Variants in IFI27L1 observed in about 807,000 individuals in gnomAD.
The protein encoded by IFI27L1 is interferon alpha-inducible protein 27-like protein 1.
In IFI27L1, 3 loss-of-function variants were observed where a neutral mutation model predicts 9.2. The ratio of observed to expected loss-of-function variants is 0.32; its 90% CI spans 0.15 to 0.84. IFI27L1 has a LOEUF of 0.84. Among genes scored for constraint, IFI27L1 ranks in the 40% least tolerant of loss-of-function variants. The pLI is 0.56. For synonymous variants in IFI27L1, 53 were observed against 50.0 expected (o/e 1.06, Z -0.26); for missense variants, 133 against 134.2 (o/e 0.99, Z 0.05).
At chr14:94,088,792 G>A (rs946437856) in intron 1 of IFI27L1, among the ~76,000 whole-genome samples, 2 of 152,140 alleles carry the variant, frequency 1.3e-5, no homozygotes, top group Admixed American at 6.5e-5. Context: ...GCGTAATTCT[G>A]TCTTGGGGAG....
intron 1 of IFI27L1, among the ~76,000 whole-genome samples, chr14:94,086,090 A>C (rs1350228841): frequency 6.6e-6 from 1 of 152,200 alleles, no homozygotes; most frequent in African/African-American, 2.4e-5. Context: ...TCATGGGGGC[A>C]GATGCCTCAT....
chr14:94,098,419 A>G (rs1218625332), intron 2 of IFI27L1, among the ~76,000 whole-genome samples: 1 of 152,122 alleles, frequency 6.6e-6, no homozygotes, highest in African/African-American at 2.4e-5. Flanking sequence ...TTCCCTTACA[A>G]GGACCTCAGT....
At chr14:94,097,955 T>A (rs573355383) in intron 2 of IFI27L1, among the ~76,000 whole-genome samples, 1 of 152,322 alleles carries the variant, frequency 6.6e-6, no homozygotes, top group South Asian at 2.1e-4. Context: ...ACAGTGGGAC[T>A]GGGTGAAGTG....
chr14:94,096,834 A>C, intron 1 of IFI27L1, 53 bp from the exon 2 acceptor site: 1 of 952,388 alleles, frequency 1.0e-6, no homozygotes, highest in Non-Finnish European at 1.7e-6. Context: ...GTTCTTTATT[A>C]ATGCAGCTTT....
chr14:94,101,513 A>C (rs1886895870), intron 3 of IFI27L1, among the ~76,000 whole-genome samples: 1 of 152,234 alleles, frequency 6.6e-6, no homozygotes, highest in Non-Finnish European at 1.5e-5. Context: ...GGAAAGTTTG[A>C]AGACTGCTGT....
At chr14:94,086,167 G>GT in intron 1 of IFI27L1, among the ~76,000 whole-genome samples, 1 of 152,238 alleles carries the variant, frequency 6.6e-6, no homozygotes, top group South Asian at 2.1e-4. Flanking sequence ...AGATCTGGTG[G>GT]TTTAAAAGTG....
intron 2 of IFI27L1, chr14:94,097,459 G>C (rs1478389106): frequency 5.0e-6 from 3 of 595,804 alleles, no homozygotes. Flanking sequence ...TTTGGCATAA[G>C]CGACTCCATT....
In IFI27L1 at chr14:94,081,331, T is replaced by C. The variant is rs536186531; in HGVS notation, c.-170T>C. The C allele has an allele frequency of 1.4e-3, 213 of 152,354 alleles. 2 individuals are homozygous for C. The highest frequency in any genetic ancestry group is 5.0e-3 in the African/African-American group (208 of 41,580). 9.4% of individuals were successfully genotyped at this position (152,354 alleles called of 1,614,324 possible). A position where few individuals can be genotyped will look rare whatever the true frequency, so the allele number is the denominator to read the frequency against. ...CAGCAGTGCCGGCGGGAGAGCTGGC[T>C]TGGGGCGCTGGCACCTCCTCTTACA... On this transcript the variant is annotated 5_prime_UTR_variant, in exon 1 of 5. Transcript: ENST00000555523.
rs959511107 is a variant in IFI27L1 at position 94,102,460 on chromosome 14, C to T, written c.224-17C>T. On this transcript the variant is annotated splice_polypyrimidine_tract_variant and intron_variant, in intron 4 of 4. Coordinates refer to ENST00000555523, the MANE Select transcript of IFI27L1 (RefSeq NM_206949.3). ...ACCCCTCCCTGTGCCCTGTGCTCAC[C>T]CTCTCTTCTCCCCCAGGGGCAGCTG... is the stretch of plus-strand genomic sequence containing the variant. 6.5e-7 allele frequency: 1 copy of T among 1,534,024 alleles called. No individual in the cohort carries two copies. The highest frequency in any genetic ancestry group is 1.9e-5 in the Admixed American group (1 of 51,730).
At chr14:94,092,474 G>T (rs1667716961) in intron 1 of IFI27L1, among the ~76,000 whole-genome samples, 1 of 152,096 alleles carries the variant, frequency 6.6e-6, no homozygotes, top group South Asian at 2.1e-4. Flanking sequence ...TTGCACCACT[G>T]CACTCCAGTC....
intron 4 of IFI27L1, chr14:94,102,186 G>C: frequency 1.6e-6 from 1 of 617,478 alleles, no homozygotes. Flanking sequence ...AACCCAGGCA[G>C]GTCTCCTCCC....
Position 94,102,567 on chromosome 14 carries a change from G to A in IFI27L1, c.314G>A (p.Ter105=). ...TGGCTGGGTTCACCCCCTTCCAGCT[G>A]AACACCACACTGAGGCAGGGAGTTG... ...GAWLGSPPSS[*] The change falls in exon 5 of 5, where the codon TGA becomes TAA. Residue 105 remains the stop codon, a stop_retained_variant. Coordinates refer to ENST00000555523, the MANE Select transcript of IFI27L1 (RefSeq NM_206949.3). The A allele has an allele frequency of 6.5e-7, 1 of 1,542,474 alleles. No individual in the cohort carries two copies. Among genetic ancestry groups the A allele is most frequent in the East Asian group, 2.4e-5 (1 of 41,058 alleles).
intron 1 of IFI27L1, among the ~76,000 whole-genome samples, chr14:94,094,253 C>T (rs1206335594): frequency 1.3e-5 from 2 of 152,180 alleles, no homozygotes; most frequent in African/African-American, 2.4e-5. Flanking sequence ...TAATCTGCCT[C>T]GCACTCTTTG....
In IFI27L1 at chr14:94,084,328, C is replaced by A. The variant is rs867312606; in HGVS notation, c.-52+2879C>A. On this transcript the variant is annotated intron_variant, in intron 1 of 4. Coordinates refer to ENST00000555523, the MANE Select transcript of IFI27L1 (RefSeq NM_206949.3). Reference sequence around the variant, plus strand: ...ATCAGCCCAGGCGACATGGTGAAACCCCGTCTCTACAAAAAATGCAAAAAT... The same window carrying A: ...ATCAGCCCAGGCGACATGGTGAAACACCGTCTCTACAAAAAATGCAAAAAT... Among the ~76,000 whole-genome samples the A allele has an allele frequency of 9.9e-5, 15 of 152,196 alleles. No homozygotes were observed. In the Middle Eastern group the frequency reaches 0.01, roughly 104 times the overall value.
chr14:94,100,548 G>T, intron 2 of IFI27L1, 191 bp from the exon 3 acceptor site: 4 of 985,436 alleles, frequency 4.1e-6, no homozygotes, highest in Non-Finnish European at 4.8e-6. Context: ...GAGGCTTCCT[G>T]CAGAAGGTGC....
chr14:94,094,489 G>A (rs1163053081), intron 1 of IFI27L1, among the ~76,000 whole-genome samples: 1 of 151,938 alleles, frequency 6.6e-6, no homozygotes, highest in Admixed American at 6.6e-5. Context: ...TTTAGTTTTG[G>A]AACAACACTC....
chr14:94,093,841 C>T lies in IFI27L1; in HGVS notation c.-51-3046C>T, dbSNP rs556441347. Among the ~76,000 whole-genome samples, 20 of 152,098 alleles carry T rather than the reference C, an allele frequency of 1.3e-4. No individual in the cohort carries two copies. The East Asian group carries it at 3.7e-3, about 28-fold the overall frequency. ...ATGTGTCTATCTTTTTCTCTTGAGT[C>T]AGTGCTCAGGAGCTTGGTAAATATG... On this transcript the variant is annotated intron_variant, in intron 1 of 4. Transcript: ENST00000555523.
chr14:94,082,647 G>A (rs550015655), intron 1 of IFI27L1, among the ~76,000 whole-genome samples: 3 of 152,308 alleles, frequency 2.0e-5, no homozygotes, highest in South Asian at 2.1e-4. Flanking sequence ...TAAGAATTAC[G>A]CTAAATATAA....
At position 94,081,316 on chromosome 14, in the gene IFI27L1, G is replaced by C. The variant is rs1886094774; in HGVS notation, c.-185G>C. ...CTGCCTCGCGGACCGCAGCAGTGCC[G>C]GCGGGAGAGCTGGCTTGGGGCGCTG... is the stretch of plus-strand genomic sequence containing the variant. On this transcript the variant is annotated 5_prime_UTR_variant, in exon 1 of 5. Transcript: ENST00000555523. The C allele has an allele frequency of 6.6e-6, 1 of 152,268 alleles. No homozygotes were observed. The highest frequency in any genetic ancestry group is 2.1e-4 in the South Asian group (1 of 4,824). 9.4% of individuals were successfully genotyped at this position (152,268 alleles called of 1,614,324 possible). A position where few individuals can be genotyped will look rare whatever the true frequency, so the allele number is the denominator to read the frequency against.
Sources: allele counts gnomAD v4.1 joint callset (sites outside exome capture counted in the v4.1 genomes callset), GRCh38; gene constraint gnomAD v4.1.1; transcripts MANE v1.5; gene names NCBI Gene and HGNC (gene_info 2026-07-23, HGNC 2026-07-21).